The following ATRNL1 variants were observed in gnomAD, a reference collection of about 807,000 sequenced individuals.
ATRNL1 encodes attractin like 1.
Under a neutral mutation model 182.7 loss-of-function variants are expected in ATRNL1, and 95 were observed. That is an observed-to-expected ratio of 0.52 (90% confidence interval 0.44 to 0.62). The LOEUF is 0.62. Ranked by LOEUF, ATRNL1 falls within the 20% of genes least tolerant of loss-of-function variation. The pLI, the probability that ATRNL1 is intolerant of heterozygous loss-of-function variation, is 0.00. For missense variants in ATRNL1, 1,471 were observed against 1,679.5 expected, an observed-to-expected ratio of 0.88 and a Z score of 2.17; for synonymous variants, 576 against 568.3, an observed-to-expected ratio of 1.01 and a Z score of -0.19.
chr10:115,702,510 GAAACACTAATGACTCTATACTTAGA>G (rs1408601577), intron 26 of ATRNL1, among the ~76,000 whole-genome samples: 1 of 151,686 alleles, frequency 6.6e-6, no homozygotes, highest in Non-Finnish European at 1.5e-5. Context: ...CTATACTTAG[GAAACACTAATGACTCTATACTTAGA>G]AAACACTAAA....
chr10:115,492,394 G>T (rs1849342317), intron 24 of ATRNL1, among the ~76,000 whole-genome samples: 1 of 151,846 alleles, frequency 6.6e-6, no homozygotes, highest in Admixed American at 6.6e-5. Flanking sequence ...AAAAATTAGA[G>T]TTTGATTTAA....
chr10:115,190,561 A>AT (rs1491090488), intron 8 of ATRNL1, among the ~76,000 whole-genome samples: 18 of 151,974 alleles, frequency 1.2e-4, no homozygotes, highest in African/African-American at 4.3e-4. Context: ...TACTTATAAC[A>AT]TTTTTTATTT....
At chr10:115,593,138 A>G (rs1385652946) in intron 26 of ATRNL1, among the ~76,000 whole-genome samples, 3 of 152,206 alleles carry the variant, frequency 2.0e-5, no homozygotes, top group Non-Finnish European at 2.9e-5. Flanking sequence ...AAAGAATGCA[A>G]GAGTAAGGGA....
At chr10:115,630,232 A>G (rs956841321) in intron 26 of ATRNL1, among the ~76,000 whole-genome samples, 6 of 152,162 alleles carry the variant, frequency 3.9e-5, no homozygotes, top group Non-Finnish European at 8.8e-5. Flanking sequence ...CAAAGAAAAC[A>G]TACAGAAGGA....
intron 6 of ATRNL1, 123 bp downstream of exon 6, chr10:115,160,337 G>C: frequency 1.2e-6 from 1 of 805,812 alleles, no homozygotes; most frequent in Non-Finnish European, 1.9e-6. Context: ...CTATTTGCTA[G>C]TGAGACTGAT....
chr10:115,829,227 A>C (rs1366726175), intron 27 of ATRNL1, among the ~76,000 whole-genome samples: 2 of 152,184 alleles, frequency 1.3e-5, no homozygotes, highest in Non-Finnish European at 2.9e-5. Flanking sequence ...ATCTCTACAG[A>C]TTATTTCTAC....
intron 26 of ATRNL1, among the ~76,000 whole-genome samples, chr10:115,655,165 TG>T (rs2133889830): frequency 6.6e-6 from 1 of 152,282 alleles, no homozygotes; most frequent in South Asian, 2.1e-4. Flanking sequence ...GAGTCAGAGA[TG>T]AGCTACCTAT....
intron 10 of ATRNL1, among the ~76,000 whole-genome samples, chr10:115,247,287 C>G (rs1554904307): frequency 6.6e-6 from 1 of 151,994 alleles, no homozygotes. Context: ...CCAGAATATA[C>G]AAAGAACTAA....
chr10:115,912,715 A>G (rs1184883793), intron 28 of ATRNL1, among the ~76,000 whole-genome samples: 1 of 152,230 alleles, frequency 6.6e-6, no homozygotes, highest in Non-Finnish European at 1.5e-5. Flanking sequence ...GAATTATCAC[A>G]AAGCTCTGTG....
intron 18 of ATRNL1, among the ~76,000 whole-genome samples, chr10:115,331,100 C>T (rs528825061): frequency 7.2e-5 from 11 of 151,872 alleles, no homozygotes; most frequent in Non-Finnish European, 1.6e-4. Context: ...TGCTCTGTTG[C>T]CTAGGCTGGA....
intron 26 of ATRNL1, among the ~76,000 whole-genome samples, chr10:115,713,003 A>G (rs1555055012): frequency 6.6e-6 from 1 of 152,132 alleles, no homozygotes; most frequent in East Asian, 1.9e-4. Flanking sequence ...CTAAATTGAG[A>G]GTGACTGTGT....
intron 28 of ATRNL1, among the ~76,000 whole-genome samples, chr10:115,869,407 C>T (rs1408207551): frequency 6.6e-6 from 1 of 152,094 alleles, no homozygotes; most frequent in African/African-American, 2.4e-5. Flanking sequence ...GAGCTAGGCT[C>T]CTTGGGCAGT....
At chr10:115,719,733 C>G (rs10510012) in intron 26 of ATRNL1, among the ~76,000 whole-genome samples, 3,507 of 152,054 alleles carry the variant, frequency 0.023, 117 homozygotes, top group East Asian at 0.18. Context: ...ATGATTTTAC[C>G]AAGGTCTATC....
At chr10:115,770,500 A>G in intron 27 of ATRNL1, among the ~76,000 whole-genome samples, 1 of 152,166 alleles carries the variant, frequency 6.6e-6, no homozygotes, top group South Asian at 2.1e-4. Context: ...CAAAATAAAT[A>G]TCTGTCTTCC....
intron 19 of ATRNL1, among the ~76,000 whole-genome samples, chr10:115,363,928 A>G (rs1856885553): frequency 6.6e-6 from 1 of 151,668 alleles, no homozygotes; most frequent in Non-Finnish European, 1.5e-5. Flanking sequence ...GTAGCCTTGT[A>G]GTATAGTTTG....
chr10:115,680,130 G>A (rs782021175), intron 26 of ATRNL1, among the ~76,000 whole-genome samples: 3 of 152,066 alleles, frequency 2.0e-5, no homozygotes, highest in African/African-American at 4.8e-5. Flanking sequence ...TAACAGCAGC[G>A]CTCTACTCCT....
chr10:115,640,836 A>G (rs2133856141), intron 26 of ATRNL1, among the ~76,000 whole-genome samples: 1 of 152,212 alleles, frequency 6.6e-6, no homozygotes, highest in East Asian at 1.9e-4. Flanking sequence ...TTAATCATGA[A>G]GTCTTTGCCC....
intron 20 of ATRNL1, among the ~76,000 whole-genome samples, chr10:115,398,026 A>G (rs1844372094): frequency 6.6e-6 from 1 of 151,992 alleles, no homozygotes; most frequent in Non-Finnish European, 1.5e-5. Context: ...GGCGGGGATT[A>G]GGTATACACT....
At chr10:115,639,271 CTG>C (rs1316113769) in intron 26 of ATRNL1, among the ~76,000 whole-genome samples, 4 of 152,128 alleles carry the variant, frequency 2.6e-5, no homozygotes, top group South Asian at 4.1e-4. Flanking sequence ...GAACTTCAAA[CTG>C]TGAATTCTGT....
Sources: allele counts gnomAD v4.1 joint callset (sites outside exome capture counted in the v4.1 genomes callset), GRCh38; gene constraint gnomAD v4.1.1; transcripts MANE v1.5; gene names NCBI Gene and HGNC (gene_info 2026-07-23, HGNC 2026-07-21).